The following MIA2 variants were observed in gnomAD, a reference collection of about 807,000 sequenced individuals.
MIA2 encodes MIA SH3 domain ER export factor 2.
In MIA2, 127 loss-of-function variants were observed where a neutral mutation model predicts 167.8. The ratio of observed to expected loss-of-function variants is 0.76; its 90% CI spans 0.66 to 0.88. The LOEUF (loss-of-function observed/expected upper bound fraction) is 0.88. Ranked by LOEUF, MIA2 falls within the 40% of genes least tolerant of loss-of-function variation. The pLI is 0.00. For missense variants in MIA2, 1,690 were observed against 1,624.7 expected, an observed-to-expected ratio of 1.04 and a Z score of -0.69; for synonymous variants, 552 against 541.9, an observed-to-expected ratio of 1.02 and a Z score of -0.26.
chr14:39,239,344 G>A (rs184272761), intron 2 of MIA2, among the ~76,000 whole-genome samples: 7 of 152,074 alleles, frequency 4.6e-5, no homozygotes, highest in Admixed American at 3.3e-4. Flanking sequence ...CCAAGAGTTC[G>A]AGACTAGCCT....
intron 21 of MIA2, among the ~76,000 whole-genome samples, chr14:39,315,995 G>T (rs1453928691): frequency 2.0e-5 from 3 of 152,152 alleles, no homozygotes; most frequent in African/African-American, 7.2e-5. Flanking sequence ...TGGACTGATT[G>T]TTCCAGGGCA....
rs1566747188 is a variant in MIA2 at position 39,288,453 on chromosome 14, A to ATTTT, written c.2131-2565_2131-2564insTTTT. 3.5e-3 allele frequency among the ~76,000 whole-genome samples: 48 copies of ATTTT among 13,800 alleles called. 2 individuals are homozygous for ATTTT. The highest frequency in any genetic ancestry group is 0.016 in the South Asian group (4 of 246). The allele number at this position is 13,800 out of a possible 152,430, so 9.1% of individuals were successfully genotyped here. A position where few individuals can be genotyped will look rare whatever the true frequency, so the allele number is the denominator to read the frequency against. Reference sequence around the variant, plus strand: ...TATACATATATATATATATATATATATATATATATATATATATATATATTT... The same window carrying ATTTT: ...TATACATATATATATATATATATATATTTTTATATATATATATATATATATATTT... On this transcript the variant is annotated intron_variant, in intron 9 of 28. Coordinates refer to ENST00000640607, the MANE Select transcript of MIA2 (RefSeq NM_001329214.4).
intron 23 of MIA2, among the ~76,000 whole-genome samples, chr14:39,378,173 A>C (rs2075080629): frequency 6.6e-6 from 1 of 152,272 alleles, no homozygotes; most frequent in South Asian, 2.1e-4. Context: ...TTCTCATAAG[A>C]GTATATGTTA....
rs148727520 is a variant in MIA2, at chr14:39,314,681, T to G, written c.3120-58T>G. ...TAATAAATATTTTTTTAGTAGAGAG[T>G]ATGTTCTGTCATTTCATGTTATATG... On this transcript the variant is annotated intron_variant, in intron 19 of 28. Transcript: ENST00000640607. 11,711 of 1,290,076 alleles carry G rather than the reference T, an allele frequency of 9.1e-3. 72 individuals are homozygous for G. Among genetic ancestry groups the G allele is most frequent in the Non-Finnish European group, 0.011 (9,780 of 922,104 alleles). 79.9% of individuals were successfully genotyped at this position (1,290,076 alleles called of 1,614,324 possible). A position where few individuals can be genotyped will look rare whatever the true frequency, so the allele number is the denominator to read the frequency against.
In MIA2 at chr14:39,247,221, C is replaced by T; in HGVS notation, c.647C>T (p.Pro216Leu). 1 of 1,614,068 alleles carries T rather than the reference C, an allele frequency of 6.2e-7. No individual in the cohort carries two copies. The highest frequency in any genetic ancestry group is 2.2e-5 in the East Asian group (1 of 44,872). The change falls in exon 4 of 29, where the codon CCA becomes CTA. Residue 216 changes from proline to leucine, a missense_variant. Coordinates refer to ENST00000640607, the MANE Select transcript of MIA2 (RefSeq NM_001329214.4). ...CGTATTCCAGAAGTGCATGTCCCAC[C>T]ATCTTCAGCTGTGTCTGGAGTCAAA... is the stretch of plus-strand genomic sequence containing the variant. The part of the protein sequence containing the change: ...QDRIPEVHVP[P>L]SSAVSGVKEW...
At chr14:39,313,788 A>G (rs940480902) in intron 19 of MIA2, among the ~76,000 whole-genome samples, 2 of 152,188 alleles carry the variant, frequency 1.3e-5, no homozygotes, top group African/African-American at 4.8e-5. Context: ...AGAAGAATGT[A>G]TGTAATATTA....
chr14:39,320,875 T>G, intron 23 of MIA2, 53 bp from the exon 24 acceptor site: 2 of 1,582,436 alleles, frequency 1.3e-6, no homozygotes, highest in Non-Finnish European at 1.7e-6. Context: ...TCTAACTCTG[T>G]AGTGTAGCTA....
At chr14:39,334,319 AC>A (rs2069752489) in intron 25 of MIA2, among the ~76,000 whole-genome samples, 1 of 151,968 alleles carries the variant, frequency 6.6e-6, no homozygotes, top group Non-Finnish European at 1.5e-5. Context: ...TACAAAAAAT[AC>A]AAAAATTAGC....
chr14:39,285,489 C>G (rs2059544468), intron 9 of MIA2, among the ~76,000 whole-genome samples: 1 of 148,686 alleles, frequency 6.7e-6, no homozygotes, highest in African/African-American at 2.5e-5. Context: ...CCCCACCTCC[C>G]TCCCGGACGG....
At chr14:39,272,590 T>G (rs146558089) in intron 6 of MIA2, among the ~76,000 whole-genome samples, 277 of 152,234 alleles carry the variant, frequency 1.8e-3, no homozygotes, top group African/African-American at 6.0e-3. Flanking sequence ...ACTCTCAAAA[T>G]CCTGTCTTTA....
chr14:39,282,124 TATA>T (rs1186795490), intron 9 of MIA2, among the ~76,000 whole-genome samples: 1 of 152,166 alleles, frequency 6.6e-6, no homozygotes, highest in African/African-American at 2.4e-5. Flanking sequence ...TCAGTGATAA[TATA>T]ATAAAAATTG....
intron 24 of MIA2, among the ~76,000 whole-genome samples, chr14:39,322,950 G>A (rs1452114822): frequency 5.3e-5 from 8 of 152,104 alleles, no homozygotes; most frequent in Admixed American, 2.0e-4. Context: ...ATAAAGTAAT[G>A]AATCTAAATA....
At chr14:39,356,320 G>C (rs928736026), downstream of MIA2, among the ~76,000 whole-genome samples, 34 of 152,316 alleles carry the variant, frequency 2.2e-4, 1 homozygote, top group Middle Eastern at 3.4e-3. Context: ...ATTTCTTCCA[G>C]ATTTTCTAGT....
At chr14:39,255,050 G>C (rs2054754548) in intron 6 of MIA2, among the ~76,000 whole-genome samples, 1 of 152,050 alleles carries the variant, frequency 6.6e-6, no homozygotes, top group Non-Finnish European at 1.5e-5. Context: ...TGAAAACTGG[G>C]CTTAATAGCA....
intron 9 of MIA2, among the ~76,000 whole-genome samples, chr14:39,288,454 T>TTTTTTTTTTTTTTTTTG (rs2060160944): frequency 7.2e-5 from 1 of 13,906 alleles, no homozygotes; most frequent in African/African-American, 1.8e-4. Context: ...TATATATATA[T>TTTTTTTTTTTTTTTTTG]ATATATATAT....
At chr14:39,370,484 G>A in intron 23 of MIA2, 1 of 270,978 alleles carries the variant, frequency 3.7e-6, no homozygotes, top group South Asian at 4.7e-5. Context: ...ATGCCCTGTC[G>A]GAGCTTGAGG....
At chr14:39,298,094 G>A (rs979829147) in intron 13 of MIA2, among the ~76,000 whole-genome samples, 1 of 151,566 alleles carries the variant, frequency 6.6e-6, no homozygotes, top group Non-Finnish European at 1.5e-5. Context: ...ATAGATTTGA[G>A]TAGAAAGTGG....
At chr14:39,344,281 A>AG (rs1437049469) in intron 25 of MIA2, among the ~76,000 whole-genome samples, 1 of 152,246 alleles carries the variant, frequency 6.6e-6, no homozygotes, top group Non-Finnish European at 1.5e-5. Context: ...TGATTAAAAA[A>AG]GAGTTGGTGT....
At chr14:39,279,822 T>C (rs2058665901) in intron 9 of MIA2, among the ~76,000 whole-genome samples, 1 of 152,226 alleles carries the variant, frequency 6.6e-6, no homozygotes, top group South Asian at 2.1e-4. Flanking sequence ...TCTGTTCGTG[T>C]ATCCAAATGT....
Sources: gnomAD v4.1 joint callset for allele counts (sites outside exome capture counted in the v4.1 genomes callset) on GRCh38, gnomAD v4.1.1 for gene constraint, MANE v1.5 for transcripts, NCBI Gene and HGNC (gene_info 2026-07-23, HGNC 2026-07-21) for gene names.